The following TMEM200A variants were observed in gnomAD, a reference collection of about 807,000 sequenced individuals.
TMEM200A encodes the protein transmembrane protein 200A.
TMEM200A carries 12 observed loss-of-function variants against 24.3 expected under a neutral mutation model. That is an observed-to-expected ratio of 0.49 (90% confidence interval 0.32 to 0.80). The LOEUF is 0.80. TMEM200A is among the 30% of genes least tolerant of loss of function. The probability of loss-of-function intolerance (pLI) is 0.04; values close to 1 mark genes in which losing one functional copy is unlikely to be tolerated. For missense variants in TMEM200A, 545 were observed against 614.4 expected (o/e 0.89, Z 1.19); for synonymous variants, 224 against 224.4 (o/e 1.00, Z 0.02).
chr6:130,421,625 G>A (rs867617799), intron 2 of TMEM200A, among the ~76,000 whole-genome samples: 12 of 151,678 alleles, frequency 7.9e-5, no homozygotes, highest in African/African-American at 1.7e-4. Flanking sequence ...TAGTCCCTTG[G>A]TGTACATTAC....
At chr6:130,439,239 G>C (rs1057502898) in intron 2 of TMEM200A, 1 of 152,088 alleles carries the variant, frequency 6.6e-6, no homozygotes, top group African/African-American at 2.4e-5. Context: ...CCAGTTAGGG[G>C]GTTATCATAT....
At chr6:130,393,030 T>G (rs1778871644) in intron 2 of TMEM200A, among the ~76,000 whole-genome samples, 1 of 152,238 alleles carries the variant, frequency 6.6e-6, no homozygotes, top group Non-Finnish European at 1.5e-5. Context: ...CAGTATAGAC[T>G]TACAAAATCA....
At chr6:130,404,337 C>T (rs1779157462) in intron 2 of TMEM200A, among the ~76,000 whole-genome samples, 1 of 152,088 alleles carries the variant, frequency 6.6e-6, no homozygotes, top group Admixed American at 6.6e-5. Flanking sequence ...TCTCCAGCAT[C>T]TGTTATTTTT....
At chr6:130,407,503 C>G (rs1308817142) in intron 2 of TMEM200A, among the ~76,000 whole-genome samples, 1 of 152,190 alleles carries the variant, frequency 6.6e-6, no homozygotes, top group East Asian at 1.9e-4. Context: ...AAACCAAAAC[C>G]TTTGTTGCCT....
chr6:130,378,799 T>C (rs931467431), intron 1 of TMEM200A, among the ~76,000 whole-genome samples: 1 of 152,074 alleles, frequency 6.6e-6, no homozygotes, highest in Non-Finnish European at 1.5e-5. Flanking sequence ...ATATTTTACT[T>C]TGGATGGTGT....
In TMEM200A at chr6:130,425,529, A is replaced by G. The variant is rs1779711987; in HGVS notation, c.-16-14878A>G. Reference sequence around the variant, plus strand: ...AATAATCCAGACACACCATAAATATATTAAAGCAAAGGATATTGAAGCCTG... The same window carrying G: ...AATAATCCAGACACACCATAAATATGTTAAAGCAAAGGATATTGAAGCCTG... On this transcript the variant is annotated intron_variant, in intron 2 of 2. Transcript: ENST00000296978. Among the ~76,000 whole-genome samples, 7 of 152,316 alleles carry G rather than the reference A, an allele frequency of 4.6e-5. No homozygotes were observed. The South Asian group carries it at 1.4e-3, about 32-fold the overall frequency.
At chr6:130,421,883 A>G (rs1195262257) in intron 2 of TMEM200A, among the ~76,000 whole-genome samples, 1 of 152,088 alleles carries the variant, frequency 6.6e-6, no homozygotes, top group Non-Finnish European at 1.5e-5. Context: ...TTAAAAGCTA[A>G]GTAATGTTTT....
chr6:130,398,111 C>G (rs976128621), intron 2 of TMEM200A, among the ~76,000 whole-genome samples: 6 of 151,898 alleles, frequency 4.0e-5, no homozygotes, highest in African/African-American at 1.5e-4. Flanking sequence ...TTTTCCAACC[C>G]GTGTTTCCCT....
At chr6:130,436,867 G>A (rs776641257) in intron 2 of TMEM200A, among the ~76,000 whole-genome samples, 3 of 151,872 alleles carry the variant, frequency 2.0e-5, no homozygotes, top group Non-Finnish European at 4.4e-5. Flanking sequence ...GCCAGTGCTG[G>A]TCTTGAACTG....
Position 130,441,816 on chromosome 6 carries a change from G to C in TMEM200A, c.1394G>C (p.Arg465Thr). The C allele has an allele frequency of 1.2e-6, 2 of 1,613,950 alleles. No individual in the cohort carries two copies. The highest frequency in any genetic ancestry group is 1.7e-6 in the Non-Finnish European group (2 of 1,179,954). Residue 465 changes from arginine (R) to threonine (T), a missense_variant, in exon 3 of 3, where the codon AGA (arginine) becomes ACA (threonine). Physicochemically the swap from Arg to Thr is moderately conservative, Grantham distance 71. Transcript: ENST00000296978. ...AAGGAGAAGCTTCTTATGATTTCAA[G>C]ATCTCACAATAATTTGAGTTTTGAA... ...TNKEKLLMIS[R>T]SHNNLSFEHD...
rs941379175 is a variant in TMEM200A, at chr6:130,442,558, A to T, written c.*660A>T. 57 of 166,808 alleles carry T rather than the reference A, an allele frequency of 3.4e-4. No individual in the cohort carries two copies. The highest frequency in any genetic ancestry group is 1.3e-3 in the African/African-American group (54 of 41,454). The allele number at this position is 166,808 out of a possible 1,614,324, so 10.3% of individuals were successfully genotyped here. A position where few individuals can be genotyped will look rare whatever the true frequency, so the allele number is the denominator to read the frequency against. On this transcript the variant is annotated 3_prime_UTR_variant, in exon 3 of 3. Transcript: ENST00000296978. ...CTGACAGTGCCAGATATACTTAGGG[A>T]TAAACATCAAAATGCAATTATAGTT...
At chr6:130,380,724 A>C (rs1051600677) in intron 1 of TMEM200A, among the ~76,000 whole-genome samples, 1 of 152,204 alleles carries the variant, frequency 6.6e-6, no homozygotes, top group African/African-American at 2.4e-5. Context: ...AAAAATTCAA[A>C]ATCAGCCTTG....
chr6:130,389,962 C>A (rs7773062), intron 2 of TMEM200A, among the ~76,000 whole-genome samples: 1 of 152,044 alleles, frequency 6.6e-6, no homozygotes, highest in Non-Finnish European at 1.5e-5. Flanking sequence ...ATACTGATAA[C>A]GAAGAGTTAC....
chr6:130,418,489 C>T (rs1242127397), intron 2 of TMEM200A, among the ~76,000 whole-genome samples: 2 of 152,106 alleles, frequency 1.3e-5, no homozygotes, highest in Non-Finnish European at 2.9e-5. Flanking sequence ...CTTTAAAATT[C>T]AGTCTAGTTC....
rs986234970 is a variant in TMEM200A, at chr6:130,397,876, A to C, written c.-17+12640A>C. On this transcript the variant is annotated intron_variant, in intron 2 of 2. Transcript: ENST00000296978. ...CCTTTGCAATAATAATAATTTCATA[A>C]TAATAATTATTTTAAAATATAGTAA... is the stretch of plus-strand genomic sequence containing the variant. Among the ~76,000 whole-genome samples the C allele has an allele frequency of 4.6e-5, 7 of 151,378 alleles. No homozygotes were observed. The East Asian group carries it at 1.3e-3, about 29-fold the overall frequency.
chr6:130,421,595 A>G (rs898291478), intron 2 of TMEM200A, among the ~76,000 whole-genome samples: 1 of 151,852 alleles, frequency 6.6e-6, no homozygotes, highest in Non-Finnish European at 1.5e-5. Context: ...AATATGTAAC[A>G]TAGTATTTTT....
At chr6:130,372,528 C>G (rs1484009852) in intron 1 of TMEM200A, among the ~76,000 whole-genome samples, 1 of 151,952 alleles carries the variant, frequency 6.6e-6, no homozygotes, top group Non-Finnish European at 1.5e-5. Flanking sequence ...GATACTCTGC[C>G]CTGAAATGTG....
intron 1 of TMEM200A, among the ~76,000 whole-genome samples, chr6:130,369,016 TGG>T (rs1289867776): frequency 6.6e-6 from 1 of 151,664 alleles, no homozygotes; most frequent in Non-Finnish European, 1.5e-5. Context: ...TGTAGGAGGG[TGG>T]TTTGTAGGGT....
In TMEM200A at chr6:130,440,590, G is replaced by C; in HGVS notation, c.168G>C (p.Arg56=). ...ADVVVVRGKI[R]LYSPSGFFLI... is the part of the protein sequence containing the mutation. ...TTGTGGTTGTTCGTGGCAAAATCCG[G>C]CTTTATTCCCCATCTGGTTTTTTTC... The change falls in exon 3 of 3, where the codon CGG becomes CGC. Residue 56 remains arginine (R), a synonymous_variant. Coordinates refer to ENST00000296978, the MANE Select transcript of TMEM200A (RefSeq NM_001258277.2). 1 of 1,614,050 alleles carries C rather than the reference G, an allele frequency of 6.2e-7. No homozygotes were observed. Among genetic ancestry groups the C allele is most frequent in the Non-Finnish European group, 8.5e-7 (1 of 1,179,962 alleles).
Sources: gnomAD v4.1 joint callset for allele counts (sites outside exome capture counted in the v4.1 genomes callset) on GRCh38, gnomAD v4.1.1 for gene constraint, MANE v1.5 for transcripts, NCBI Gene and HGNC (gene_info 2026-07-23, HGNC 2026-07-21) for gene names.